FBH1: variants seen among roughly 807,000 people sequenced by gnomAD.
FBH1 encodes the protein DNA 3'-5' helicase 1.
FBH1 carries 43 observed loss-of-function variants against 115.5 expected under a neutral mutation model. The observed-to-expected ratio is 0.37, with a 90% CI of 0.29 to 0.48. The LOEUF is 0.48. FBH1 is among the 20% of genes least tolerant of loss of function. The probability of loss-of-function intolerance (pLI) is 0.99; values close to 1 mark genes in which losing one functional copy is unlikely to be tolerated. For synonymous variants in FBH1, 524 were observed against 507.8 expected (o/e 1.03, Z -0.43); for missense variants, 1,001 against 1,337.3 (o/e 0.75, Z 3.92).
chr10:5,895,250 A>C lies in FBH1; in HGVS notation c.1+4904A>C. 1.3e-6 allele frequency: 2 copies of C among 1,544,888 alleles called. No homozygotes were observed. The highest frequency in any genetic ancestry group is 2.3e-5 in the East Asian group (1 of 43,028). On this transcript the variant is annotated intron_variant, in intron 1 of 20. Transcript: ENST00000362091. The surrounding 1 kb of genome is among the most constrained non-coding windows in gnomAD (Gnocchi z 5.0). ...TGACTCCAAAATTGTCCAGATTAGCAAAACTGCCCTCTGTGGATCTTTGTT... is the reference window on the plus strand; with the variant it reads ...TGACTCCAAAATTGTCCAGATTAGCCAAACTGCCCTCTGTGGATCTTTGTT...
chr10:5,906,212 G>A lies in FBH1; in HGVS notation c.333G>A (p.Pro111=), dbSNP rs1363082486. The A allele has an allele frequency of 6.2e-6, 10 of 1,614,084 alleles. No individual in the cohort carries two copies. Among genetic ancestry groups the A allele is most frequent in the South Asian group, 3.3e-5 (3 of 91,082 alleles). The change falls in exon 3 of 21, where the codon CCG becomes CCA. Residue 111 remains proline (P), a synonymous_variant. Coordinates refer to ENST00000362091, the MANE Select transcript of FBH1 (RefSeq NM_178150.3). The surrounding 1 kb of genome is among the most constrained non-coding windows in gnomAD (Gnocchi z 7.3). ...CALPQEGSAG[P]GSPGSAPPSR... is the part of the protein sequence containing the mutation. Reference sequence around the variant, plus strand: ...TGCCTCAGGAAGGCAGTGCAGGGCCGGGCTCACCAGGGTCTGCCCCGCCCT... The same window carrying A: ...TGCCTCAGGAAGGCAGTGCAGGGCCAGGCTCACCAGGGTCTGCCCCGCCCT...
chr10:5,893,317 A>AAAACAAAC (rs999142766), intron 1 of FBH1, among the ~76,000 whole-genome samples: 1 of 152,198 alleles, frequency 6.6e-6, no homozygotes. Context: ...CTGAAAACAA[A>AAAACAAAC]AAACAAACAA....
At chr10:5,890,095 G>T (rs1043363427), upstream of FBH1, 3 of 315,524 alleles carry the variant, frequency 9.5e-6, no homozygotes, top group Non-Finnish European at 1.2e-5. Context: ...TTCGATTGGC[G>T]TTAGTGGCCG....
chr10:5,903,502 G>GTT (rs113458292), intron 2 of FBH1, among the ~76,000 whole-genome samples: 1 of 151,612 alleles, frequency 6.6e-6, no homozygotes, highest in Non-Finnish European at 1.5e-5. Context: ...AGCTAATTTT[G>GTT]TTTTTTAGTA....
At chr10:5,891,844 C>T (rs891389908) in intron 1 of FBH1, among the ~76,000 whole-genome samples, 5 of 152,112 alleles carry the variant, frequency 3.3e-5, no homozygotes, top group African/African-American at 1.2e-4. Flanking sequence ...AACTCCTGGC[C>T]TCAAGTAATT....
intron 6 of FBH1, among the ~76,000 whole-genome samples, chr10:5,912,734 A>G (rs1454058051): frequency 1.3e-5 from 2 of 152,192 alleles, no homozygotes; most frequent in Non-Finnish European, 2.9e-5. Flanking sequence ...GAGGACCCCA[A>G]TTCTTGTGTA....
chr10:5,926,595 G>A (rs750311988), intron 18 of FBH1, among the ~76,000 whole-genome samples: 33 of 152,252 alleles, frequency 2.2e-4, no homozygotes, highest in South Asian at 6.2e-4. Context: ...ACATCGGCAT[G>A]CTGAAAATGG....
chr10:5,902,969 C>A (rs780771778), intron 1 of FBH1, 51 bp from the exon 2 acceptor site: 2 of 1,510,512 alleles, frequency 1.3e-6, no homozygotes, highest in Non-Finnish European at 1.8e-6. Context: ...CTTGTAGAAT[C>A]GGTGATAACT....
rs1038761929 is a variant in FBH1, at chr10:5,897,248, A to T, written c.2-5772A>T. Among the ~76,000 whole-genome samples, 43 of 152,172 alleles carry T rather than the reference A, an allele frequency of 2.8e-4. No individual in the cohort carries two copies. Among genetic ancestry groups the T allele is most frequent in the Non-Finnish European group, 2.2e-4 (15 of 68,032 alleles). On this transcript the variant is annotated intron_variant, in intron 1 of 20. Transcript: ENST00000362091. This position sits in a 1 kb window ranked among gnomAD's most constrained non-coding sequence, Gnocchi z 4.7. ...TGAATTCAGCATGGCAGGTTATTAT[A>T]ATCCTCGTTTTCATAAGCAAGGCTT...
Position 5,915,081 on chromosome 10 carries a change from G to C in FBH1, c.1397-322G>C, listed in dbSNP as rs944087853. 6.6e-6 allele frequency among the ~76,000 whole-genome samples: 1 copy of C among 151,964 alleles called. No individual in the cohort carries two copies. Among genetic ancestry groups the C allele is most frequent in the African/African-American group, 2.4e-5 (1 of 41,354 alleles). ...CTAACCCTACCCTCCTATCCTGAGG[G>C]GTCCTTTTTGCCCTCGGGAACCCTA... On this transcript the variant is annotated intron_variant, in intron 8 of 20. Transcript: ENST00000362091. This position sits in a 1 kb window ranked among gnomAD's most constrained non-coding sequence, Gnocchi z 5.2.
Position 5,936,921 on chromosome 10 carries a change from G to A in FBH1, c.2962-189G>A. Reference sequence around the variant, plus strand: ...ACTGTTTCTGAGCTCAGGGAATTTGGGGGTGTTGAGGCCACCTAGTTGGTG... The same window carrying A: ...ACTGTTTCTGAGCTCAGGGAATTTGAGGGTGTTGAGGCCACCTAGTTGGTG... On this transcript the variant is annotated intron_variant, in intron 20 of 20. Coordinates refer to ENST00000362091, the MANE Select transcript of FBH1 (RefSeq NM_178150.3). This position sits in a 1 kb window ranked among gnomAD's most constrained non-coding sequence, Gnocchi z 5.6. The A allele has an allele frequency of 1.6e-6, 1 of 642,722 alleles. No individual in the cohort carries two copies. 39.8% of individuals were successfully genotyped at this position (642,722 alleles called of 1,614,324 possible). A position where few individuals can be genotyped will look rare whatever the true frequency, so the allele number is the denominator to read the frequency against.
intron 1 of FBH1, among the ~76,000 whole-genome samples, chr10:5,898,615 T>C (rs1050432360): frequency 2.0e-5 from 3 of 152,072 alleles, no homozygotes; most frequent in Non-Finnish European, 2.9e-5. Flanking sequence ...TTCACTATGT[T>C]GCCAGGCTGG....
In FBH1 at chr10:5,923,768, C is replaced by G; in HGVS notation, c.2398+72C>G. The G allele has an allele frequency of 7.3e-7, 1 of 1,378,588 alleles. No homozygotes were observed. The highest frequency in any genetic ancestry group is 1.0e-6 in the Non-Finnish European group (1 of 977,702). The allele number at this position is 1,378,588 out of a possible 1,614,324, so 85.4% of individuals were successfully genotyped here. On this transcript the variant is annotated intron_variant, in intron 16 of 20. Coordinates refer to ENST00000362091, the MANE Select transcript of FBH1 (RefSeq NM_178150.3). This position sits in a 1 kb window ranked among gnomAD's most constrained non-coding sequence, Gnocchi z 5.7. The stretch of plus-strand genomic sequence containing the variant: ...GACAGGGACGAGAAAGAAGCAGGCC[C>G]AGTCTGAGTCAGGGACCCGTTTCCC...
At chr10:5,926,557 T>C (rs910611290) in intron 18 of FBH1, among the ~76,000 whole-genome samples, 2 of 152,210 alleles carry the variant, frequency 1.3e-5, no homozygotes, top group Non-Finnish European at 2.9e-5. Flanking sequence ...GTCTGTTAAC[T>C]GTGGACTGGA....
chr10:5,903,502 G>GT (rs113458292), intron 2 of FBH1, among the ~76,000 whole-genome samples: 134,733 of 151,700 alleles, frequency 0.89, 59,909 homozygotes, highest in African/African-American at 0.92. Context: ...AGCTAATTTT[G>GT]TTTTTTAGTA....
chr10:5,891,239 T>C (rs138554561), intron 1 of FBH1: 1 of 918,362 alleles, frequency 1.1e-6, no homozygotes. Flanking sequence ...TGAAGATAAG[T>C]CCGTTTTACT....
At position 5,917,469 on chromosome 10, in the gene FBH1, G is replaced by A. The variant is rs753748498; in HGVS notation, c.1838G>A (p.Gly613Glu). 2.5e-5 allele frequency: 40 copies of A among 1,614,104 alleles called. 1 individual carries two copies. The South Asian group carries it at 4.3e-4, about 17-fold the overall frequency. The change falls in exon 11 of 21, where the codon GGG becomes GAG. Residue 613 changes from glycine to glutamate, a missense_variant. By Grantham distance (98) the Gly-to-Glu change is moderately conservative (BLOSUM62 -2). This residue lies in a region of FBH1 where 521 missense variants were observed against 811.0 expected (regional missense o/e 0.64). Coordinates refer to ENST00000362091, the MANE Select transcript of FBH1 (RefSeq NM_178150.3). This position sits in a 1 kb window ranked among gnomAD's most constrained non-coding sequence, Gnocchi z 5.6. ...CTCTGGGATAACATGCGGAAGCTGG[G>A]GGAGTGCACAGAAGAGGCGCACCAG... is the stretch of plus-strand genomic sequence containing the variant. ...SRLWDNMRKL[G>E]ECTEEAHQMT...
Position 5,924,663 on chromosome 10 carries a change from G to A in FBH1, c.2596+155G>A. On this transcript the variant is annotated intron_variant, in intron 17 of 20. Transcript: ENST00000362091. The surrounding 1 kb of genome is among the most constrained non-coding windows in gnomAD (Gnocchi z 6.2). ...GCTCACTGCAATGCCCACCTTCTGG[G>A]TTCAAGCAATTATCCTGCCTCAGCC... 4.0e-6 allele frequency: 3 copies of A among 756,774 alleles called. No individual in the cohort carries two copies. The highest frequency in any genetic ancestry group is 6.7e-6 in the Non-Finnish European group (3 of 448,474). The allele number at this position is 756,774 out of a possible 1,614,324, so 46.9% of individuals were successfully genotyped here. A position where few individuals can be genotyped will look rare whatever the true frequency, so the allele number is the denominator to read the frequency against.
At position 5,918,907 on chromosome 10, in the gene FBH1, A is replaced by T. The variant is rs1302595364; in HGVS notation, c.2100+429A>T. ...TAAAATGTTGGCAAACTCTCCCATA[A>T]TGAATGTGACAACTCACAGTGTCCT... On this transcript the variant is annotated intron_variant, in intron 13 of 20. Transcript: ENST00000362091. The surrounding 1 kb of genome is among the most constrained non-coding windows in gnomAD (Gnocchi z 4.0). Among the ~76,000 whole-genome samples the T allele has an allele frequency of 6.6e-6, 1 of 152,228 alleles. No individual in the cohort carries two copies. The highest frequency in any genetic ancestry group is 1.9e-4 in the East Asian group (1 of 5,200).
Sources: allele counts gnomAD v4.1 joint callset (sites outside exome capture counted in the v4.1 genomes callset), GRCh38; gene constraint gnomAD v4.1.1; regional missense constraint gnomAD v4.1.1; non-coding constraint Gnocchi (gnomAD v3.1); transcripts MANE v1.5; gene names NCBI Gene and HGNC (gene_info 2026-07-23, HGNC 2026-07-21).